The following PDE4D variants were observed in gnomAD, a reference collection of about 807,000 sequenced individuals.
The protein encoded by PDE4D is phosphodiesterase 4D, also known as 3',5'-cyclic-AMP phosphodiesterase 4D.
PDE4D carries 24 observed loss-of-function variants against 87.4 expected under a neutral mutation model. The observed-to-expected ratio is 0.27, with a 90% CI of 0.20 to 0.39. The LOEUF (loss-of-function observed/expected upper bound fraction) is 0.39, where lower values mean the gene tolerates loss of function less well. PDE4D is among the 10% of genes least tolerant of loss of function. PDE4D has a pLI of 1.00. For missense variants in PDE4D, 714 were observed against 1,041.0 expected, an observed-to-expected ratio of 0.69 and a Z score of 4.32; for synonymous variants, 384 against 383.2, an observed-to-expected ratio of 1.00 and a Z score of -0.02.
At chr5:59,081,518 T>TTAAA (rs56306218) in intron 5 of PDE4D, among the ~76,000 whole-genome samples, 8 of 135,438 alleles carry the variant, frequency 5.9e-5, no homozygotes, top group Non-Finnish European at 1.1e-4. Context: ...AGTAATCAGG[T>TTAAA]AAAAAAAAAA....
chr5:59,046,370 CTG>C (rs1156810573), intron 5 of PDE4D, among the ~76,000 whole-genome samples: 1 of 149,290 alleles, frequency 6.7e-6, no homozygotes, highest in Non-Finnish European at 1.5e-5. Context: ...AGCTTGGTCT[CTG>C]TGTGTGCATG....
chr5:59,811,974 A>C (rs1410920654), intron 1 of PDE4D, among the ~76,000 whole-genome samples: 1 of 152,188 alleles, frequency 6.6e-6, no homozygotes, highest in Non-Finnish European at 1.5e-5. Flanking sequence ...CCCCATCGTG[A>C]GGGTTGAGCC....
At chr5:59,519,740 ACT>A (rs776447564) in intron 1 of PDE4D, among the ~76,000 whole-genome samples, 28 of 152,258 alleles carry the variant, frequency 1.8e-4, no homozygotes, top group African/African-American at 5.8e-4. Context: ...TTGTAGAATA[ACT>A]CTGCTATGAG....
At chr5:59,091,143 A>AG in intron 5 of PDE4D, 1 of 453,930 alleles carries the variant, frequency 2.2e-6, no homozygotes, top group South Asian at 1.6e-5. Flanking sequence ...TTGAAAAAAA[A>AG]GAAAGAAAAT....
chr5:60,155,990 C>T (rs1270344787), intron 2 of PDE4D, among the ~76,000 whole-genome samples: 2 of 152,188 alleles, frequency 1.3e-5, no homozygotes, highest in African/African-American at 2.4e-5. Context: ...AACTTGTGTG[C>T]TCAAGCTGCT....
intron 6 of PDE4D, chr5:58,999,734 T>C (rs1014893596): frequency 6.6e-6 from 7 of 1,055,586 alleles, no homozygotes; most frequent in Non-Finnish European, 8.0e-6. Flanking sequence ...ATCGAATACA[T>C]GCCATTTGTA....
intron 1 of PDE4D, among the ~76,000 whole-genome samples, chr5:60,241,184 A>G (rs1747066285): frequency 6.6e-6 from 1 of 152,136 alleles, no homozygotes; most frequent in Admixed American, 6.5e-5. Flanking sequence ...AGATTGAAAT[A>G]ATTAACAAGA....
chr5:60,458,386 C>CAAAA (rs61006284), intron 1 of PDE4D, among the ~76,000 whole-genome samples: 5 of 75,168 alleles, frequency 6.7e-5, no homozygotes, highest in African/African-American at 1.1e-4. Flanking sequence ...GACTTCATTG[C>CAAAA]AAAAAAAAAA....
intron 5 of PDE4D, among the ~76,000 whole-genome samples, chr5:59,065,777 AT>A (rs1308266996): frequency 3.9e-5 from 6 of 152,306 alleles, no homozygotes; most frequent in Admixed American, 1.3e-4. Flanking sequence ...TCACATCGGC[AT>A]TTGGAAGTTA....
At chr5:60,046,455 G>C (rs562527817) in intron 2 of PDE4D, among the ~76,000 whole-genome samples, 1 of 152,298 alleles carries the variant, frequency 6.6e-6, no homozygotes, top group South Asian at 2.1e-4. Context: ...AGTTTTCAAA[G>C]GGAATGCTTC....
chr5:60,423,226 A>G (rs1481222319), intron 1 of PDE4D, among the ~76,000 whole-genome samples: 1 of 152,216 alleles, frequency 6.6e-6, no homozygotes, highest in Admixed American at 6.5e-5. Flanking sequence ...TCCACCCCAA[A>G]TCTACAGAAT....
rs554474429 is a variant in PDE4D at position 59,984,308 on chromosome 5, G to A, written c.272+4180C>T. Among the ~76,000 whole-genome samples, 15 of 152,218 alleles carry A rather than the reference G, an allele frequency of 9.9e-5. No homozygotes were observed. In the South Asian group the frequency reaches 2.1e-3, roughly 21 times the overall value. On this transcript the variant is annotated intron_variant, in intron 3 of 16. Coordinates refer to the PDE4D transcript ENST00000502484. The stretch of plus-strand genomic sequence containing the variant: ...ACTTTCCAAATTACTTCTATGCCAC[G>A]TTCATAACATTTCAAGTCATTAATA...
chr5:59,286,265 T>C (rs955716408), intron 1 of PDE4D, among the ~76,000 whole-genome samples: 2 of 152,182 alleles, frequency 1.3e-5, no homozygotes, highest in African/African-American at 4.8e-5. Context: ...GTTCCACATG[T>C]TCTCTCATTT....
intron 2 of PDE4D, among the ~76,000 whole-genome samples, chr5:59,205,843 A>G (rs1324421708): frequency 6.6e-6 from 1 of 152,196 alleles, no homozygotes; most frequent in Admixed American, 6.5e-5. Flanking sequence ...TGAAACAATG[A>G]GTTAAAAAAT....
At chr5:59,125,372 T>C (rs936818136) in intron 5 of PDE4D, 1 of 687,652 alleles carries the variant, frequency 1.5e-6, no homozygotes, top group African/African-American at 1.9e-5. Context: ...AAAATGATCC[T>C]CTTCCTTAAG....
At position 59,287,016 on chromosome 5, in the gene PDE4D, C is replaced by T. The variant is rs1383853089; in HGVS notation, c.456-71048G>A. The stretch of plus-strand genomic sequence containing the variant: ...AGGAACAACAAATTGAACAACTCTC[C>T]ACACAAAAAAGCACCTTCATGCACC... On this transcript the variant is annotated intron_variant, in intron 1 of 14. Coordinates refer to ENST00000340635, the MANE Select transcript of PDE4D (RefSeq NM_001104631.2). Among the ~76,000 whole-genome samples, 3 of 152,232 alleles carry T rather than the reference C, an allele frequency of 2.0e-5. No homozygotes were observed. The East Asian group carries it at 5.8e-4, about 29-fold the overall frequency.
chr5:59,695,045 C>G (rs889767440), intron 1 of PDE4D, among the ~76,000 whole-genome samples: 1 of 152,160 alleles, frequency 6.6e-6, no homozygotes, highest in Non-Finnish European at 1.5e-5. Context: ...CTGACTTACA[C>G]TTATATCTAA....
At chr5:59,005,265 T>A (rs79927844) in intron 6 of PDE4D, among the ~76,000 whole-genome samples, 11,035 of 152,274 alleles carry the variant, frequency 0.072, 456 homozygotes, top group Non-Finnish European at 0.093. Context: ...TTCAACAGAC[T>A]TCTATTTGGC....
chr5:59,284,342 C>T (rs1362903264), intron 1 of PDE4D, among the ~76,000 whole-genome samples: 1 of 152,106 alleles, frequency 6.6e-6, no homozygotes, highest in African/African-American at 2.4e-5. Context: ...TGGTAGAGCA[C>T]AAGGCATTAT....
Sources: allele counts gnomAD v4.1 joint callset (sites outside exome capture counted in the v4.1 genomes callset), GRCh38; gene constraint gnomAD v4.1.1; transcripts MANE v1.5; gene names NCBI Gene and HGNC (gene_info 2026-07-23, HGNC 2026-07-21).